PRIM2: variants seen among roughly 807,000 people sequenced by gnomAD.
The protein encoded by PRIM2 is DNA primase large subunit.
A neutral mutation model predicts 67.3 loss-of-function variants in PRIM2; 39 were observed. The ratio of observed to expected loss-of-function variants is 0.58; its 90% CI spans 0.45 to 0.76. The LOEUF (loss-of-function observed/expected upper bound fraction) is 0.76. Among genes scored for constraint, PRIM2 ranks in the 30% least tolerant of loss-of-function variants. PRIM2 has a pLI of 0.00. For synonymous variants in PRIM2, 143 were observed against 198.7 expected (o/e 0.72, Z 2.36); for missense variants, 398 against 598.7 (o/e 0.66, Z 3.50).
rs1470639731 is a variant in PRIM2, at chr6:57,584,027, C to G, written c.1021-17066C>G. ...GTAAGCTACTGTTGTTGAAACATCA[C>G]TAAGTGTTACCCTGGTTTTTTTTGT... On this transcript the variant is annotated intron_variant, in intron 10 of 13. Transcript: ENST00000615550. Among the ~76,000 whole-genome samples, 1,062 of 152,376 alleles carry G rather than the reference C, an allele frequency of 7.0e-3. 4 individuals carry two copies. The highest frequency in any genetic ancestry group is 0.012 in the Non-Finnish European group (844 of 68,034).
intron 8 of PRIM2, among the ~76,000 whole-genome samples, chr6:57,523,799 C>G (rs1379429252): frequency 2.0e-5 from 3 of 152,110 alleles, no homozygotes; most frequent in Non-Finnish European, 2.9e-5. Context: ...TTGTTTTCAA[C>G]TCTGAGTTTC....
At chr6:57,618,031 C>G (rs1358035636) in intron 12 of PRIM2, among the ~76,000 whole-genome samples, 7 of 152,298 alleles carry the variant, frequency 4.6e-5, no homozygotes, top group Middle Eastern at 6.8e-3. Context: ...CTTGTCAAAA[C>G]TCATTTGGAC....
chr6:57,352,392 C>A (rs943640057), intron 5 of PRIM2, among the ~76,000 whole-genome samples: 11 of 152,068 alleles, frequency 7.2e-5, no homozygotes, highest in Non-Finnish European at 1.2e-4. Flanking sequence ...AGGTGTTCCC[C>A]ACCATGCCTG....
intron 13 of PRIM2, among the ~76,000 whole-genome samples, chr6:57,641,874 A>G (rs1456750007): frequency 3.9e-5 from 6 of 152,236 alleles, no homozygotes; most frequent in African/African-American, 1.4e-4. Context: ...CAGCAATCCC[A>G]TTACTGGGTT....
the PRIM2 span, among the ~76,000 whole-genome samples, chr6:57,294,996 A>T: frequency 6.6e-6 from 1 of 152,212 alleles, no homozygotes; most frequent in African/African-American, 2.4e-5. Context: ...TTTAGCAGAG[A>T]AGGGGTTTCA....
chr6:57,533,418 A>C (rs1774933663), intron 9 of PRIM2, among the ~76,000 whole-genome samples: 2 of 152,208 alleles, frequency 1.3e-5, no homozygotes, highest in South Asian at 2.1e-4. Flanking sequence ...CTAGTAGAGA[A>C]AGAACGTGAG....
At chr6:57,572,965 T>C (rs1167296971) in intron 10 of PRIM2, among the ~76,000 whole-genome samples, 4 of 152,234 alleles carry the variant, frequency 2.6e-5, no homozygotes, top group South Asian at 2.1e-4. Flanking sequence ...TTGTTAGAGA[T>C]AGGTTTTTGC....
chr6:57,292,444 G>A, the PRIM2 span, among the ~76,000 whole-genome samples: 1 of 152,042 alleles, frequency 6.6e-6, no homozygotes, highest in Non-Finnish European at 1.5e-5. Context: ...TAGATTCAAT[G>A]CCATCCCCAT....
the PRIM2 span, among the ~76,000 whole-genome samples, chr6:57,299,984 C>T: frequency 3.3e-5 from 5 of 152,288 alleles, no homozygotes; most frequent in East Asian, 9.6e-4. Flanking sequence ...CGTTCTTTGT[C>T]TGCTAAAACC....
intron 10 of PRIM2, among the ~76,000 whole-genome samples, chr6:57,580,752 T>C (rs1252998915): frequency 6.6e-6 from 1 of 152,200 alleles, no homozygotes; most frequent in African/African-American, 2.4e-5. Flanking sequence ...ATGAGAGTGA[T>C]TTTTCTGCTT....
At position 57,375,565 on chromosome 6, in the gene PRIM2, A is replaced by G. The variant is rs199579413; in HGVS notation, c.460-4336A>G. Among the ~76,000 whole-genome samples, 112 of 152,056 alleles carry G rather than the reference A, an allele frequency of 7.4e-4. 1 individual carries two copies. In the East Asian group the frequency reaches 0.021, roughly 28 times the overall value. ...TGTATCTCCGCCAGATTTTGGTATA[A>G]GGATGATGCTGACCCTTCCTCTGTT... On this transcript the variant is annotated intron_variant, in intron 5 of 13. Coordinates refer to ENST00000615550, the MANE Select transcript of PRIM2 (RefSeq NM_000947.5).
chr6:57,318,469 G>A lies in PRIM2; in HGVS notation c.24G>A (p.Trp8Ter). 1 of 1,611,454 alleles carries A rather than the reference G, an allele frequency of 6.2e-7. No homozygotes were observed. The highest frequency in any genetic ancestry group is 8.5e-7 in the Non-Finnish European group (1 of 1,178,824). ...AGATGGAGTTTTCTGGAAGAAAGTG[G>A]AGGAAGCTGAGGTTGGCAGGTGACC... The part of the protein sequence containing the change: MEFSGRK[W>*]RKLRLAGDQR... Residue 8 changes from tryptophan to a stop codon, truncating the protein, a stop_gained, in exon 2 of 14, where the codon TGG (tryptophan) becomes TGA (stop). Transcript: ENST00000615550. LOFTEE classifies it high-confidence loss of function.
chr6:57,273,627 C>T, the PRIM2 span, among the ~76,000 whole-genome samples: 7 of 152,326 alleles, frequency 4.6e-5, no homozygotes, highest in East Asian at 1.9e-4. Flanking sequence ...TCTCTCAGCT[C>T]GTCAAAGTCA....
At chr6:57,538,758 T>C (rs1351873691) in intron 10 of PRIM2, among the ~76,000 whole-genome samples, 11 of 152,226 alleles carry the variant, frequency 7.2e-5, no homozygotes, top group African/African-American at 2.7e-4. Context: ...CCTGTCTCCT[T>C]GGCTTACATG....
Position 57,452,272 on chromosome 6 carries a change from T to G in PRIM2, c.694-55115T>G, listed in dbSNP as rs202221880. Among the ~76,000 whole-genome samples the G allele has an allele frequency of 6.2e-4, 94 of 152,214 alleles. 1 individual carries two copies. In the South Asian group the frequency reaches 0.018, roughly 29 times the overall value. ...TGTGCATGTGTCTTTATAGCAGCAT[T>G]ATTTATAATCCTTTGGGTATATACC... On this transcript the variant is annotated intron_variant, in intron 7 of 13. Coordinates refer to ENST00000615550, the MANE Select transcript of PRIM2 (RefSeq NM_000947.5).
intron 7 of PRIM2, among the ~76,000 whole-genome samples, chr6:57,454,797 C>T (rs1205695409): frequency 2.6e-5 from 4 of 152,116 alleles, no homozygotes; most frequent in Admixed American, 1.3e-4. Flanking sequence ...CAGTTCTGTT[C>T]TGATCTTAAT....
intron 5 of PRIM2, among the ~76,000 whole-genome samples, chr6:57,378,520 A>G (rs1271047338): frequency 6.6e-6 from 1 of 152,118 alleles, no homozygotes; most frequent in Non-Finnish European, 1.5e-5. Flanking sequence ...GTTTTTTTCT[A>G]TACCTTGTTA....
At chr6:57,563,303 T>A (rs1775674457) in intron 10 of PRIM2, among the ~76,000 whole-genome samples, 1 of 149,664 alleles carries the variant, frequency 6.7e-6, no homozygotes, top group South Asian at 2.1e-4. Flanking sequence ...ATCTTTTTAA[T>A]CATTTAGAAT....
At position 57,370,693 on chromosome 6, in the gene PRIM2, C is replaced by CTT. The variant is rs66953171; in HGVS notation, c.460-9190_460-9189dup. 4.3e-3 allele frequency among the ~76,000 whole-genome samples: 524 copies of CTT among 121,956 alleles called. 7 individuals are homozygous for CTT. The highest frequency in any genetic ancestry group is 5.9e-3 in the African/African-American group (200 of 33,650). The allele number at this position is 121,956 out of a possible 152,430, so 80.0% of individuals were successfully genotyped here. A position where few individuals can be genotyped will look rare whatever the true frequency, so the allele number is the denominator to read the frequency against. On this transcript the variant is annotated intron_variant, in intron 5 of 13. Coordinates refer to ENST00000615550, the MANE Select transcript of PRIM2 (RefSeq NM_000947.5). ...GAATTCCTTAGAATTCTATCTATAGCTTTTTTTTTTTTTTTTTTTGAGATG... is the reference window on the plus strand; with the variant it reads ...GAATTCCTTAGAATTCTATCTATAGCTTTTTTTTTTTTTTTTTTTTTGAGATG...
Sources: gnomAD v4.1 joint callset for allele counts (sites outside exome capture counted in the v4.1 genomes callset) on GRCh38, gnomAD v4.1.1 for gene constraint, MANE v1.5 for transcripts, NCBI Gene and HGNC (gene_info 2026-07-23, HGNC 2026-07-21) for gene names.